The following TBC1D14 variants were observed in gnomAD, a reference collection of about 807,000 sequenced individuals.
TBC1D14 encodes TBC1 domain family, member 14.
Under a neutral mutation model 79.0 loss-of-function variants are expected in TBC1D14, and 26 were observed. The observed-to-expected ratio is 0.33, with a 90% CI of 0.24 to 0.46. The LOEUF (loss-of-function observed/expected upper bound fraction) is 0.46, where lower values mean the gene tolerates loss of function less well. TBC1D14 is among the 20% of genes least tolerant of loss of function. The pLI is 1.00. For synonymous variants in TBC1D14, 394 were observed against 349.9 expected (o/e 1.13, Z -1.40); for missense variants, 769 against 887.6 (o/e 0.87, Z 1.70).
intron 2 of TBC1D14, among the ~76,000 whole-genome samples, chr4:6,953,220 T>A (rs1462520365): frequency 6.8e-6 from 1 of 147,038 alleles, no homozygotes; most frequent in African/African-American, 2.5e-5. Flanking sequence ...AGACGGGGTT[T>A]CACCATCTTG....
chr4:6,929,236 C>T lies in TBC1D14; in HGVS notation c.722+5125C>T, dbSNP rs183135568. Among the ~76,000 whole-genome samples, 768 of 152,196 alleles carry T rather than the reference C, an allele frequency of 5.0e-3. 2 individuals are homozygous for T. The highest frequency in any genetic ancestry group is 7.3e-3 in the Non-Finnish European group (494 of 67,998). ...CTCTGGGGCTTAGTGTCCTTGTTTG[C>T]AGAATGAGCTGAGGGGTACGTACTT... is the stretch of plus-strand genomic sequence containing the variant. On this transcript the variant is annotated intron_variant, in intron 2 of 13. Coordinates refer to ENST00000409757, the MANE Select transcript of TBC1D14 (RefSeq NM_020773.3).
intron 2 of TBC1D14, among the ~76,000 whole-genome samples, chr4:6,948,997 A>G (rs1204339391): frequency 6.7e-6 from 1 of 149,550 alleles, no homozygotes; most frequent in Non-Finnish European, 1.5e-5. Context: ...ACATGGTGAA[A>G]CCCTGTCTCT....
At chr4:7,023,720 G>A (rs563215085) in intron 12 of TBC1D14, among the ~76,000 whole-genome samples, 42 of 152,322 alleles carry the variant, frequency 2.8e-4, no homozygotes, top group African/African-American at 8.2e-4. Context: ...ACCTGGGTCC[G>A]TTTAGCTGTT....
intron 3 of TBC1D14, among the ~76,000 whole-genome samples, chr4:6,979,373 T>C (rs1391501484): frequency 6.6e-6 from 1 of 152,182 alleles, no homozygotes; most frequent in Non-Finnish European, 1.5e-5. Context: ...GCACCTGTAA[T>C]CCCAGCACTT....
At chr4:6,999,963 T>C (rs538661900) in intron 6 of TBC1D14, among the ~76,000 whole-genome samples, 1 of 152,150 alleles carries the variant, frequency 6.6e-6, no homozygotes, top group Non-Finnish European at 1.5e-5. Flanking sequence ...CGGGCAGAAG[T>C]CCCAAGGCTG....
intron 12 of TBC1D14, among the ~76,000 whole-genome samples, chr4:7,021,671 TTA>T (rs1403642001): frequency 6.6e-6 from 1 of 152,110 alleles, no homozygotes; most frequent in African/African-American, 2.4e-5. Flanking sequence ...TTTTTTTTTT[TTA>T]CTTTTAAAAA....
At chr4:6,948,017 A>C (rs1472461885) in intron 2 of TBC1D14, among the ~76,000 whole-genome samples, 11 of 152,182 alleles carry the variant, frequency 7.2e-5, no homozygotes, top group Non-Finnish European at 1.3e-4. Context: ...TCAGAGATAA[A>C]TGTGGACGTG....
intron 2 of TBC1D14, chr4:6,954,456 T>C (rs1577080045): frequency 1.4e-6 from 1 of 708,296 alleles, no homozygotes. Flanking sequence ...TGGGCTGAGG[T>C]GTTTCTGTGG....
intron 3 of TBC1D14, chr4:6,987,153 C>A: frequency 8.3e-7 from 1 of 1,198,564 alleles, no homozygotes; most frequent in Non-Finnish European, 1.0e-6. Flanking sequence ...GCCTGACGCG[C>A]CGAGCCGGCA....
At position 7,028,131 on chromosome 4, in the gene TBC1D14, C is replaced by T. The variant is rs374847274; in HGVS notation, c.2017-2196C>T. ...CCCACACACACGTCACCCCACACAT[C>T]ACACCCACACGTACACATTACACAC... On this transcript the variant is annotated intron_variant, in intron 13 of 13. Coordinates refer to ENST00000409757, the MANE Select transcript of TBC1D14 (RefSeq NM_020773.3). Among the ~76,000 whole-genome samples, 14 of 151,894 alleles carry T rather than the reference C, an allele frequency of 9.2e-5. No homozygotes were observed. The East Asian group carries it at 2.7e-3, about 29-fold the overall frequency.
chr4:7,015,092 C>T (rs1299973893), intron 12 of TBC1D14, among the ~76,000 whole-genome samples: 1 of 151,892 alleles, frequency 6.6e-6, no homozygotes, highest in Non-Finnish European at 1.5e-5. Flanking sequence ...GGGCAGAGGA[C>T]GGCAGGCGAT....
At chr4:6,991,317 T>G (rs1006764293) in intron 3 of TBC1D14, among the ~76,000 whole-genome samples, 1 of 152,202 alleles carries the variant, frequency 6.6e-6, no homozygotes, top group Non-Finnish European at 1.5e-5. Flanking sequence ...GCCAGAGGCT[T>G]GCATGAATTC....
chr4:6,943,278 GA>G (rs895887269), intron 2 of TBC1D14, among the ~76,000 whole-genome samples: 11 of 152,220 alleles, frequency 7.2e-5, no homozygotes, highest in Non-Finnish European at 1.0e-4. Context: ...GGACAACGAG[GA>G]AATGGGTTTG....
intron 13 of TBC1D14, among the ~76,000 whole-genome samples, chr4:7,029,347 C>G (rs1439532112): frequency 6.6e-6 from 1 of 152,222 alleles, no homozygotes; most frequent in Non-Finnish European, 1.5e-5. Context: ...TTGGTTTCAC[C>G]CTTGGACTTT....
chr4:6,977,265 T>C (rs1162518189), intron 3 of TBC1D14, among the ~76,000 whole-genome samples: 10 of 142,962 alleles, frequency 7.0e-5, no homozygotes, highest in Non-Finnish European at 7.7e-5. Flanking sequence ...CGATTGCAGG[T>C]GCGCGCCGCC....
chr4:7,025,926 C>A (rs899603918), intron 13 of TBC1D14, among the ~76,000 whole-genome samples: 1 of 152,074 alleles, frequency 6.6e-6, no homozygotes, highest in African/African-American at 2.4e-5. Context: ...GAAAAAAAAA[C>A]CAGTTTGGGT....
chr4:6,943,146 A>G (rs773021613), intron 2 of TBC1D14, among the ~76,000 whole-genome samples: 3 of 151,792 alleles, frequency 2.0e-5, no homozygotes, highest in Non-Finnish European at 2.9e-5. Context: ...GTGTGTAGGG[A>G]CCAGTGTGGG....
At chr4:6,942,822 C>T (rs1393247808) in intron 2 of TBC1D14, among the ~76,000 whole-genome samples, 1 of 152,146 alleles carries the variant, frequency 6.6e-6, no homozygotes, top group Non-Finnish European at 1.5e-5. Context: ...TACCCTAATA[C>T]CTGGCTGTTC....
intron 1 of TBC1D14, among the ~76,000 whole-genome samples, chr4:6,915,038 C>G (rs1723284877): frequency 6.6e-6 from 1 of 152,082 alleles, no homozygotes; most frequent in Non-Finnish European, 1.5e-5. Context: ...GACTCTGTCT[C>G]AGAAACAAAA....
Sources: allele counts gnomAD v4.1 joint callset (sites outside exome capture counted in the v4.1 genomes callset), GRCh38; gene constraint gnomAD v4.1.1; transcripts MANE v1.5; gene names NCBI Gene and HGNC (gene_info 2026-07-23, HGNC 2026-07-21).